CEP85: variants seen among roughly 807,000 people sequenced by gnomAD.
CEP85 encodes the protein centrosomal protein 85, also known as centrosomal protein of 85 kDa.
In CEP85, 58 loss-of-function variants were observed where a neutral mutation model predicts 93.7. The observed-to-expected ratio is 0.62, with a 90% CI of 0.50 to 0.77. The LOEUF is 0.77. Among genes scored for constraint, CEP85 ranks in the 30% least tolerant of loss-of-function variants. CEP85 has a pLI of 0.00. For synonymous variants in CEP85, 314 were observed against 338.6 expected (o/e 0.93, Z 0.80); for missense variants, 868 against 922.0 (o/e 0.94, Z 0.76).
intron 2 of CEP85, among the ~76,000 whole-genome samples, chr1:26,240,274 A>G (rs982448899): frequency 1.3e-5 from 2 of 152,180 alleles, no homozygotes; most frequent in Non-Finnish European, 2.9e-5. Context: ...GAATGGATTA[A>G]CAAGATTTTG....
At chr1:26,240,146 A>G (rs1228625619) in intron 2 of CEP85, among the ~76,000 whole-genome samples, 4 of 152,284 alleles carry the variant, frequency 2.6e-5, no homozygotes, top group Middle Eastern at 3.4e-3. Context: ...ACTGTGTTCT[A>G]TGTTGTCTTT....
At chr1:26,258,705 T>G (rs1570010063) in intron 6 of CEP85, among the ~76,000 whole-genome samples, 1 of 151,968 alleles carries the variant, frequency 6.6e-6, no homozygotes, top group Non-Finnish European at 1.5e-5. Context: ...CAAGCAATTC[T>G]CCTGCCTCAG....
At chr1:26,235,151 C>T (rs2089305188) in intron 1 of CEP85, among the ~76,000 whole-genome samples, 1 of 152,222 alleles carries the variant, frequency 6.6e-6, no homozygotes, top group South Asian at 2.1e-4. Flanking sequence ...TTAATGAGAG[C>T]GATCCTTTAC....
intron 3 of CEP85, among the ~76,000 whole-genome samples, chr1:26,252,202 G>T (rs2089628962): frequency 6.6e-6 from 1 of 151,546 alleles, no homozygotes; most frequent in South Asian, 2.1e-4. Flanking sequence ...CTGCACTCCA[G>T]CCTGGACAAC....
intron 7 of CEP85, among the ~76,000 whole-genome samples, chr1:26,264,527 C>A (rs1249520774): frequency 6.6e-6 from 1 of 152,022 alleles, no homozygotes; most frequent in African/African-American, 2.4e-5. Context: ...GAGTGAGACT[C>A]CTTCAAAAAA....
At chr1:26,250,932 CTTTTTTT>C (rs869156420) in intron 3 of CEP85, among the ~76,000 whole-genome samples, 6 of 17,506 alleles carry the variant, frequency 3.4e-4, no homozygotes, top group South Asian at 2.4e-3. Flanking sequence ...TTTCTTTTTT[CTTTTTTT>C]TTTTTTTTTT....
At chr1:26,262,390 G>T (rs1020425736) in intron 7 of CEP85, among the ~76,000 whole-genome samples, 6 of 151,920 alleles carry the variant, frequency 3.9e-5, no homozygotes, top group African/African-American at 1.2e-4. Flanking sequence ...GGGCAAGAGA[G>T]TTGCTTGAAC....
At chr1:26,275,597 G>A (rs1401870252) in intron 12 of CEP85, among the ~76,000 whole-genome samples, 1 of 152,116 alleles carries the variant, frequency 6.6e-6, no homozygotes, top group East Asian at 1.9e-4. Flanking sequence ...CTTTTTGATG[G>A]GGAAAGTCAT....
intron 4 of CEP85, among the ~76,000 whole-genome samples, chr1:26,256,928 G>GGTGTGTGTGTGTGT (rs71004573): frequency 0.13 from 14,430 of 111,298 alleles, 1,219 homozygotes; most frequent in Middle Eastern, 0.2. Flanking sequence ...GTTTTGTTTT[G>GGTGTGTGTGTGTGT]GTGTGTGTGT....
chr1:26,248,194 T>C (rs150112343), intron 3 of CEP85, among the ~76,000 whole-genome samples: 1 of 152,346 alleles, frequency 6.6e-6, no homozygotes, highest in East Asian at 1.9e-4. Context: ...CTATCAATTG[T>C]GTAATCAAAA....
intron 7 of CEP85, among the ~76,000 whole-genome samples, chr1:26,260,334 T>G (rs1358602129): frequency 1.3e-5 from 2 of 152,016 alleles, no homozygotes; most frequent in Non-Finnish European, 2.9e-5. Context: ...CTACTAAAAA[T>G]GCAAAAATTA....
intron 9 of CEP85, 132 bp downstream of exon 9, chr1:26,269,746 A>T: frequency 3.7e-6 from 2 of 542,974 alleles, no homozygotes; most frequent in Non-Finnish European, 3.2e-6. Context: ...TTTTCTTTGG[A>T]CTGTGAATAA....
intron 3 of CEP85, among the ~76,000 whole-genome samples, chr1:26,250,925 C>CCTTTTTTTTTTTTTTTTTTTTTTTTTTTT (rs2089598435): frequency 1.8e-5 from 1 of 55,160 alleles, no homozygotes; most frequent in African/African-American, 5.9e-5. Flanking sequence ...TTTTTTTTTT[C>CCTTTTTTTTTTTTTTTTTTTTTTTTTTTT]TTTTTTCTTT....
chr1:26,248,979 G>C (rs1557652608), intron 3 of CEP85, among the ~76,000 whole-genome samples: 1 of 151,988 alleles, frequency 6.6e-6, no homozygotes, highest in African/African-American at 2.4e-5. Context: ...GCCCACCTCG[G>C]CTTCTCAAAG....
Position 26,239,755 on chromosome 1 carries a change from T to A in CEP85, c.-22-7T>A. 1.3e-6 allele frequency: 2 copies of A among 1,565,940 alleles called. No homozygotes were observed. The highest frequency in any genetic ancestry group is 1.8e-6 in the Non-Finnish European group (2 of 1,136,180). On this transcript the variant is annotated splice_polypyrimidine_tract_variant and splice_region_variant and intron_variant, in intron 1 of 13. Coordinates refer to ENST00000451429, the MANE Select transcript of CEP85 (RefSeq NM_001319944.2). ...GAGAACTGACTGGTTATTCCTTCATTCTACAGTTGGCTTAAATAACTGTGA... is the reference window on the plus strand; with the variant it reads ...GAGAACTGACTGGTTATTCCTTCATACTACAGTTGGCTTAAATAACTGTGA...
At chr1:26,263,260 G>T in intron 7 of CEP85, 1 of 336,230 alleles carries the variant, frequency 3.0e-6, no homozygotes, top group Non-Finnish European at 5.8e-6. Context: ...TTATAAGGAA[G>T]TGCTCATTTG....
intron 1 of CEP85, among the ~76,000 whole-genome samples, chr1:26,235,785 T>C (rs2089317766): frequency 6.6e-6 from 1 of 152,148 alleles, no homozygotes. Flanking sequence ...TTGGTCAGGC[T>C]GGTCTCAAAC....
intron 2 of CEP85, among the ~76,000 whole-genome samples, chr1:26,241,736 T>C (rs2089429871): frequency 6.6e-6 from 1 of 152,094 alleles, no homozygotes; most frequent in Admixed American, 6.6e-5. Context: ...TGATAGGACA[T>C]GCACTATAAC....
At position 26,264,166 on chromosome 1, in the gene CEP85, TC is replaced by T. The variant is rs541024729; in HGVS notation, c.1342-4315del. 1.1e-4 allele frequency among the ~76,000 whole-genome samples: 17 copies of T among 152,336 alleles called. No homozygotes were observed. In the South Asian group the frequency reaches 2.5e-3, roughly 22 times the overall value. On this transcript the variant is annotated intron_variant, in intron 7 of 13. Transcript: ENST00000451429. ...TATAGTATTTCTTGTTTTCTTAAGG[TC>T]CTTTTTTTCTGTTTTTGGTGTCTTT... is the stretch of plus-strand genomic sequence containing the variant.
Sources: gnomAD v4.1 joint callset for allele counts (sites outside exome capture counted in the v4.1 genomes callset) on GRCh38, gnomAD v4.1.1 for gene constraint, MANE v1.5 for transcripts, NCBI Gene and HGNC (gene_info 2026-07-23, HGNC 2026-07-21) for gene names.